Variants in PCDH11X observed in about 807,000 individuals in gnomAD.
PCDH11X encodes protocadherin 11 X-linked.
Under a neutral mutation model 53.3 loss-of-function variants are expected in PCDH11X, and 18 were observed. That is an observed-to-expected ratio of 0.34 (90% CI 0.23 to 0.50). The LOEUF (loss-of-function observed/expected upper bound fraction) is 0.50. PCDH11X is among the 20% of genes least tolerant of loss of function. PCDH11X has a pLI of 0.98. For synonymous variants in PCDH11X, 279 were observed against 393.3 expected (o/e 0.71, Z 3.44); for missense variants, 570 against 1,032.4 (o/e 0.55, Z 6.14).
chrX:91,784,538 T>A (rs1935266950), intron 1 of PCDH11X, among the ~76,000 whole-genome samples: 1 of 111,894 alleles, frequency 8.9e-6, no homozygotes, highest in African/African-American at 3.3e-5. Flanking sequence ...TCAGCCACTT[T>A]CAAGCACATT....
chrX:92,332,884 C>A lies in PCDH11X; in HGVS notation c.3145-54851C>A, dbSNP rs2069528059. 5.4e-5 allele frequency among the ~76,000 whole-genome samples: 6 copies of A among 111,833 alleles called. No individual in the cohort carries two copies. The South Asian group carries it at 2.2e-3, about 41-fold the overall frequency. On this transcript the variant is annotated intron_variant, in intron 8 of 10. Transcript: ENST00000682573. ...AGTAGACTGCTAGCTTATCCTGATG[C>A]ATATTAAAGTTTAGAATAAAGTTGA...
At position 92,010,928 on chromosome X, in the gene PCDH11X, C is replaced by T. The variant is rs112412880; in HGVS notation, c.3033+131655C>T. Among the ~76,000 whole-genome samples, 924 of 110,815 alleles carry T rather than the reference C, an allele frequency of 8.3e-3. 8 individuals are homozygous for T. Among genetic ancestry groups the T allele is most frequent in the South Asian group, 0.044 (113 of 2,568 alleles). ...AATCTATTGTTCTCATCTTTGTGTC[C>T]ACATGTACTCAATGTTTAGCTCCTA... On this transcript the variant is annotated intron_variant, in intron 6 of 10. Transcript: ENST00000682573.
At chrX:91,953,581 G>A in intron 6 of PCDH11X, among the ~76,000 whole-genome samples, 1 of 110,470 alleles carries the variant, frequency 9.1e-6, no homozygotes, top group East Asian at 2.9e-4. Context: ...TCTCATTAGA[G>A]GTCTAACCAC....
intron 6 of PCDH11X, among the ~76,000 whole-genome samples, chrX:91,897,027 G>T (rs1940777272): frequency 9.6e-6 from 1 of 103,821 alleles, no homozygotes; most frequent in African/African-American, 3.9e-5. Context: ...TTTTCATAAA[G>T]TTGGCAAGCA....
intron 10 of PCDH11X, among the ~76,000 whole-genome samples, chrX:92,548,461 G>A (rs1224037131): frequency 8.9e-6 from 1 of 111,775 alleles, no homozygotes; most frequent in Non-Finnish European, 1.9e-5. Context: ...ATGAGCCATC[G>A]CACGCAGCCC....
At position 92,288,390 on chromosome X, in the gene PCDH11X, C is replaced by CT. The variant is rs756662629; in HGVS notation, c.3144+25264dup. ...ACTACAAATTTTGAGTTAGTTACTT[C>CT]TTTTTTTTTTTTTTTTTGAGACAGA... On this transcript the variant is annotated intron_variant, in intron 8 of 10. Transcript: ENST00000682573. 5.8e-3 allele frequency among the ~76,000 whole-genome samples: 545 copies of CT among 94,768 alleles called. 6 individuals are homozygous for CT. The highest frequency in any genetic ancestry group is 0.014 in the African/African-American group (369 of 26,026). 82.3% of individuals were successfully genotyped at this position (94,768 alleles called of 115,157 possible). A position where few individuals can be genotyped will look rare whatever the true frequency, so the allele number is the denominator to read the frequency against.
At chrX:92,349,969 A>T (rs2070001795) in intron 8 of PCDH11X, among the ~76,000 whole-genome samples, 1 of 109,948 alleles carries the variant, frequency 9.1e-6, no homozygotes, top group Non-Finnish European at 1.9e-5. Context: ...TGGGTTTATC[A>T]GGACATAACC....
intron 10 of PCDH11X, among the ~76,000 whole-genome samples, chrX:92,570,810 A>T (rs1412380109): frequency 9.6e-6 from 1 of 104,429 alleles, no homozygotes; most frequent in East Asian, 3.0e-4. Flanking sequence ...ATTATTTTTG[A>T]TGAATATATT....
At chrX:92,586,715 C>T (rs757649970) in intron 10 of PCDH11X, among the ~76,000 whole-genome samples, 2 of 109,736 alleles carry the variant, frequency 1.8e-5, no homozygotes, top group East Asian at 5.7e-4. Context: ...GGTATTTTTT[C>T]CTAGTGTATC....
chrX:92,077,947 A>G (rs1303102500), intron 6 of PCDH11X, among the ~76,000 whole-genome samples: 1 of 110,491 alleles, frequency 9.1e-6, no homozygotes, highest in Non-Finnish European at 1.9e-5. Flanking sequence ...TCAGATTTAG[A>G]CTGTCATATT....
At chrX:92,438,905 T>C (rs761265910) in intron 9 of PCDH11X, among the ~76,000 whole-genome samples, 1 of 111,764 alleles carries the variant, frequency 8.9e-6, no homozygotes, top group South Asian at 3.7e-4. Context: ...TCTTTTGCTA[T>C]GGTGCCTAAG....
intron 8 of PCDH11X, among the ~76,000 whole-genome samples, chrX:92,325,302 T>C (rs926647426): frequency 5.4e-5 from 6 of 110,887 alleles, no homozygotes; most frequent in African/African-American, 2.0e-4. Context: ...TCTGCAATCA[T>C]ATAAATGAAA....
intron 6 of PCDH11X, among the ~76,000 whole-genome samples, chrX:91,993,717 G>C (rs1395131749): frequency 9.0e-6 from 1 of 111,487 alleles, no homozygotes; most frequent in Non-Finnish European, 1.9e-5. Context: ...CTCAGGGCCT[G>C]AAAATCTGCA....
At chrX:92,396,963 G>C (rs1603299722) in intron 9 of PCDH11X, among the ~76,000 whole-genome samples, 1 of 38,633 alleles carries the variant, frequency 2.6e-5, no homozygotes, top group Admixed American at 4.2e-4. Flanking sequence ...GAGATGAAAA[G>C]GAGTTGTACT....
At chrX:92,153,726 G>T (rs1164849559) in intron 6 of PCDH11X, among the ~76,000 whole-genome samples, 1 of 111,597 alleles carries the variant, frequency 9.0e-6, no homozygotes, top group Non-Finnish European at 1.9e-5. Flanking sequence ...GGAGCAACAA[G>T]AATTCTATCA....
chrX:91,831,255 A>C (rs1417078321), intron 4 of PCDH11X, among the ~76,000 whole-genome samples: 1 of 110,745 alleles, frequency 9.0e-6, no homozygotes, highest in African/African-American at 3.3e-5. Context: ...TCACTTAAAT[A>C]GCATGGGCAC....
intron 8 of PCDH11X, among the ~76,000 whole-genome samples, chrX:92,303,333 G>C (rs1157906649): frequency 2.7e-5 from 3 of 110,487 alleles, no homozygotes; most frequent in Non-Finnish European, 5.7e-5. Flanking sequence ...AAACTGAATA[G>C]AGTAAGATAA....
chrX:92,472,041 G>C (rs759560801), intron 10 of PCDH11X, among the ~76,000 whole-genome samples: 177 of 109,643 alleles, frequency 1.6e-3, no homozygotes, highest in Non-Finnish European at 2.7e-3. Context: ...AAAATTTTCT[G>C]TCATTCCATA....
At chrX:92,393,856 G>A (rs748421691) in intron 9 of PCDH11X, among the ~76,000 whole-genome samples, 1 of 111,197 alleles carries the variant, frequency 9.0e-6, no homozygotes, top group South Asian at 3.7e-4. Context: ...AATGTGCTTA[G>A]GCAGGTATAA....
Sources: allele counts gnomAD v4.1 joint callset (sites outside exome capture counted in the v4.1 genomes callset), GRCh38; gene constraint gnomAD v4.1.1; transcripts MANE v1.5; gene names NCBI Gene and HGNC (gene_info 2026-07-23, HGNC 2026-07-21).